Variants in CLVS2 observed in about 807,000 individuals in gnomAD.
CLVS2 encodes the protein clavesin-2.
Under a neutral mutation model 29.0 loss-of-function variants are expected in CLVS2, and 19 were observed. The observed-to-expected ratio is 0.66, with a 90% CI of 0.46 to 0.96. CLVS2 has a LOEUF of 0.96. CLVS2 is among the 40% of genes least tolerant of loss of function. The pLI is 0.00. For missense variants in CLVS2, 294 were observed against 404.1 expected, an observed-to-expected ratio of 0.73 and a Z score of 2.34; for synonymous variants, 161 against 151.3, an observed-to-expected ratio of 1.06 and a Z score of -0.47.
At chr6:123,032,011 A>G (rs1200405375) in intron 3 of CLVS2, among the ~76,000 whole-genome samples, 1 of 152,004 alleles carries the variant, frequency 6.6e-6, no homozygotes, top group Non-Finnish European at 1.5e-5. Context: ...AATTATTTCT[A>G]TTCTTTTAAA....
At chr6:123,035,330 C>G (rs1271137955) in intron 3 of CLVS2, among the ~76,000 whole-genome samples, 3 of 151,134 alleles carry the variant, frequency 2.0e-5, no homozygotes, top group African/African-American at 7.3e-5. Flanking sequence ...ACATACATAC[C>G]CATACAAACA....
intron 2 of CLVS2, among the ~76,000 whole-genome samples, chr6:123,006,192 G>A (rs1406795646): frequency 6.6e-6 from 1 of 152,162 alleles, no homozygotes; most frequent in Non-Finnish European, 1.5e-5. Flanking sequence ...GAACTTAGGT[G>A]AGGTGAAAAG....
intron 2 of CLVS2, among the ~76,000 whole-genome samples, chr6:123,004,323 G>A (rs567924765): frequency 1.3e-5 from 2 of 152,272 alleles, no homozygotes; most frequent in East Asian, 3.9e-4. Flanking sequence ...GCCCGCAGAT[G>A]TTTCATTTCC....
At chr6:123,017,768 T>C (rs1041437869) in intron 3 of CLVS2, among the ~76,000 whole-genome samples, 4 of 152,148 alleles carry the variant, frequency 2.6e-5, no homozygotes, top group African/African-American at 9.7e-5. Flanking sequence ...CTAGATTAAT[T>C]CTGTACATAT....
intron 3 of CLVS2, among the ~76,000 whole-genome samples, chr6:123,014,148 A>G (rs1259915120): frequency 1.3e-5 from 2 of 152,130 alleles, no homozygotes; most frequent in African/African-American, 2.4e-5. Context: ...TTATAGCAGC[A>G]TGATTTAAAA....
At chr6:122,998,525 C>T (rs776487251) in intron 2 of CLVS2, among the ~76,000 whole-genome samples, 1 of 152,124 alleles carries the variant, frequency 6.6e-6, no homozygotes, top group Non-Finnish European at 1.5e-5. Flanking sequence ...ATGGGGACAA[C>T]TTTTCCTCCT....
rs760912676 is a variant in CLVS2 at position 122,998,008 on chromosome 6, G to A, written c.231G>A (p.Glu77=). Residue 77 remains glutamate, a synonymous_variant, in exon 2 of 6, where the codon GAG becomes GAA. Transcript: ENST00000275162. ...TCCGCCTCCTGGCGCAGTACTTTGA[G>A]TACCGGCAGCAGAACCTGGACATGT... The part of the protein sequence containing the change: ...EAFRLLAQYF[E]YRQQNLDMFK... 3.7e-6 allele frequency: 6 copies of A among 1,614,052 alleles called. No individual in the cohort carries two copies. In the Admixed American group the frequency reaches 6.7e-5, roughly 18 times the overall value.
At chr6:123,050,771 G>A (rs1037592799) in intron 4 of CLVS2, among the ~76,000 whole-genome samples, 6 of 152,144 alleles carry the variant, frequency 3.9e-5, no homozygotes, top group African/African-American at 1.4e-4. Flanking sequence ...GCCCTTGAAG[G>A]TCATTGAATA....
At chr6:123,041,319 G>A (rs559172357) in intron 3 of CLVS2, among the ~76,000 whole-genome samples, 10 of 152,240 alleles carry the variant, frequency 6.6e-5, no homozygotes, top group African/African-American at 2.4e-4. Context: ...CCTTCAAAAT[G>A]TTAGTGTGAG....
chr6:123,013,124 C>T (rs561473817), intron 3 of CLVS2, among the ~76,000 whole-genome samples: 1 of 152,110 alleles, frequency 6.6e-6, no homozygotes, highest in Non-Finnish European at 1.5e-5. Flanking sequence ...TATTTAGTCT[C>T]GTACTGAAGT....
At chr6:123,007,297 T>A (rs370542424) in intron 2 of CLVS2, among the ~76,000 whole-genome samples, 1 of 152,194 alleles carries the variant, frequency 6.6e-6, no homozygotes, top group Non-Finnish European at 1.5e-5. Context: ...ATTATTATCA[T>A]CATTTTTAAA....
At chr6:123,021,712 A>G (rs972575062) in intron 3 of CLVS2, among the ~76,000 whole-genome samples, 2 of 152,106 alleles carry the variant, frequency 1.3e-5, no homozygotes, top group African/African-American at 4.8e-5. Context: ...TACAGCAGGA[A>G]TGAAGGACCT....
In CLVS2 at chr6:122,997,647, A is replaced by T; in HGVS notation, c.-131A>T. On this transcript the variant is annotated 5_prime_UTR_variant, in exon 2 of 6. Transcript: ENST00000275162. Reference sequence around the variant, plus strand: ...CACTTGATTGGACACCAAGATTATTAATTTCCTGTAGGGGAGAGGAAGCAG... The same window carrying T: ...CACTTGATTGGACACCAAGATTATTTATTTCCTGTAGGGGAGAGGAAGCAG... 2 of 851,092 alleles carry T rather than the reference A, an allele frequency of 2.3e-6. No homozygotes were observed. The highest frequency in any genetic ancestry group is 1.9e-6 in the Non-Finnish European group (1 of 539,654). The allele number at this position is 851,092 out of a possible 1,614,324, so 52.7% of individuals were successfully genotyped here. A position where few individuals can be genotyped will look rare whatever the true frequency, so the allele number is the denominator to read the frequency against.
chr6:123,032,384 C>T (rs1775094814), intron 3 of CLVS2, among the ~76,000 whole-genome samples: 2 of 151,896 alleles, frequency 1.3e-5, no homozygotes, highest in Non-Finnish European at 2.9e-5. Flanking sequence ...CACTTTAAAT[C>T]AGAAATACCT....
intron 4 of CLVS2, among the ~76,000 whole-genome samples, chr6:123,050,515 A>T (rs904817230): frequency 6.6e-6 from 1 of 152,156 alleles, no homozygotes; most frequent in Non-Finnish European, 1.5e-5. Context: ...ACGTGAATTT[A>T]TGGGAAAGAG....
In CLVS2 at chr6:123,068,009, AAT is replaced by A. The variant is rs1358580886; in HGVS notation, c.*4252_*4253del. 2 of 151,732 alleles carry A rather than the reference AAT, an allele frequency of 1.3e-5. No homozygotes were observed. Among genetic ancestry groups the A allele is most frequent in the Non-Finnish European group, 3.0e-5 (2 of 67,720 alleles). The allele number at this position is 151,732 out of a possible 1,614,324, so 9.4% of individuals were successfully genotyped here. A position where few individuals can be genotyped will look rare whatever the true frequency, so the allele number is the denominator to read the frequency against. On this transcript the variant is annotated 3_prime_UTR_variant, in exon 6 of 6. Transcript: ENST00000275162. Reference sequence around the variant, plus strand: ...ATATTATGATCTCAATGGCTTAGAGAATATAATCTTTTTTAAGAATTAAAGAT... The same window carrying A: ...ATATTATGATCTCAATGGCTTAGAGAATAATCTTTTTTAAGAATTAAAGAT...
chr6:123,034,130 A>G (rs753711275), intron 3 of CLVS2, among the ~76,000 whole-genome samples: 3 of 152,150 alleles, frequency 2.0e-5, no homozygotes, highest in Non-Finnish European at 2.9e-5. Context: ...AAAATGGTAC[A>G]GGCAATCGGG....
At chr6:123,011,809 G>A (rs1774752147) in intron 3 of CLVS2, among the ~76,000 whole-genome samples, 1 of 151,722 alleles carries the variant, frequency 6.6e-6, no homozygotes, top group South Asian at 2.1e-4. Context: ...TAACTTCCAG[G>A]GTGTCCTTCT....
chr6:123,039,980 T>C (rs1218686940), intron 3 of CLVS2, among the ~76,000 whole-genome samples: 1 of 152,162 alleles, frequency 6.6e-6, no homozygotes, highest in Non-Finnish European at 1.5e-5. Flanking sequence ...GAATCACTAA[T>C]AAAACAGCAG....
Sources: gnomAD v4.1 joint callset for allele counts (sites outside exome capture counted in the v4.1 genomes callset) on GRCh38, gnomAD v4.1.1 for gene constraint, MANE v1.5 for transcripts, NCBI Gene and HGNC (gene_info 2026-07-23, HGNC 2026-07-21) for gene names.